LRRCC1: variants seen among roughly 807,000 people sequenced by gnomAD.
LRRCC1 encodes the protein leucine rich repeat and coiled-coil centrosomal protein 1, also known as leucine-rich repeat and coiled-coil domain-containing protein 1.
LRRCC1 carries 115 observed loss-of-function variants against 126.0 expected under a neutral mutation model. The observed-to-expected ratio is 0.91, with a 90% CI of 0.78 to 1.07. LRRCC1 has a LOEUF of 1.07. Among genes scored for constraint, LRRCC1 ranks in the 50% least tolerant of loss-of-function variants. The pLI, the probability that LRRCC1 is intolerant of heterozygous loss-of-function variation, is 0.00. For synonymous variants in LRRCC1, 400 were observed against 393.4 expected (o/e 1.02, Z -0.20); for missense variants, 1,172 against 1,175.7 (o/e 1.00, Z 0.05).
chr8:85,144,428 A>ATGTGTGTG (rs201121031), intron 18 of LRRCC1, among the ~76,000 whole-genome samples: 5 of 88,964 alleles, frequency 5.6e-5, no homozygotes, highest in Non-Finnish European at 8.8e-5. Flanking sequence ...GTGTGTGTGT[A>ATGTGTGTG]TGTGTGTGTG....
chr8:85,118,373 T>C (rs1025203117), intron 6 of LRRCC1, among the ~76,000 whole-genome samples: 1 of 152,124 alleles, frequency 6.6e-6, no homozygotes, highest in African/African-American at 2.4e-5. Context: ...CATGTATCTT[T>C]GTTTCTCTTC....
chr8:85,144,459 T>C (rs1811501799), intron 18 of LRRCC1, among the ~76,000 whole-genome samples: 1 of 48,346 alleles, frequency 2.1e-5, no homozygotes, highest in Non-Finnish European at 4.5e-5. Context: ...TATATATATA[T>C]ATATATATAT....
intron 18 of LRRCC1, among the ~76,000 whole-genome samples, chr8:85,144,461 TATATATATA>T (rs1811503651): frequency 8.9e-5 from 5 of 56,166 alleles, no homozygotes; most frequent in African/African-American, 2.1e-4. Context: ...TATATATATA[TATATATATA>T]TATATTTTTT....
chr8:85,132,409 A>G (rs1406088946), intron 12 of LRRCC1, among the ~76,000 whole-genome samples: 1 of 103,128 alleles, frequency 9.7e-6, no homozygotes, highest in Non-Finnish European at 1.8e-5. Context: ...TTTTTGTTTC[A>G]GATAGAGTCT....
At chr8:85,117,899 A>AT (rs1809243723) in intron 6 of LRRCC1, among the ~76,000 whole-genome samples, 1 of 152,086 alleles carries the variant, frequency 6.6e-6, no homozygotes, top group Non-Finnish European at 1.5e-5. Flanking sequence ...AGAGTTAAAT[A>AT]TTTTTTAGGT....
At chr8:85,117,241 T>C (rs969925634) in intron 6 of LRRCC1, among the ~76,000 whole-genome samples, 2 of 152,210 alleles carry the variant, frequency 1.3e-5, no homozygotes, top group Non-Finnish European at 1.5e-5. Flanking sequence ...ATTTGCAAGA[T>C]AGTTGAGCTC....
chr8:85,141,457 A>G lies in LRRCC1; in HGVS notation c.2916A>G (p.Gln972=), dbSNP rs2136005281. ...TTGATGCAATTGTTGAAGCTCATCA[A>G]GCTGAAATAGCACAGCTGGCCAATG... ...RQVDAIVEAH[Q]AEIAQLANEK... is the part of the protein sequence containing the mutation. Residue 972 remains glutamine, a synonymous_variant, in exon 18 of 19, where the codon CAA becomes CAG. Transcript: ENST00000360375. 1.9e-6 allele frequency: 3 copies of G among 1,613,556 alleles called. No individual in the cohort carries two copies. Among genetic ancestry groups the G allele is most frequent in the East Asian group, 2.2e-5 (1 of 44,814 alleles).
chr8:85,143,782 G>T (rs1811431159), intron 18 of LRRCC1, among the ~76,000 whole-genome samples: 1 of 152,114 alleles, frequency 6.6e-6, no homozygotes, highest in Non-Finnish European at 1.5e-5. Context: ...TAAGTTTAAG[G>T]TTTAAACACT....
chr8:85,114,172 A>G (rs1808931347), intron 4 of LRRCC1, among the ~76,000 whole-genome samples: 1 of 152,040 alleles, frequency 6.6e-6, no homozygotes, highest in Admixed American at 6.5e-5. Context: ...TCCTTGAAAG[A>G]AAACCATATT....
At chr8:85,136,427 G>A (rs371247782) in intron 14 of LRRCC1, among the ~76,000 whole-genome samples, 7 of 151,662 alleles carry the variant, frequency 4.6e-5, no homozygotes, top group South Asian at 2.1e-4. Context: ...GCCATGTGCC[G>A]CCACACCTGG....
intron 9 of LRRCC1, 83 bp downstream of exon 9, chr8:85,126,920 T>C: frequency 8.4e-7 from 1 of 1,194,922 alleles, no homozygotes; most frequent in South Asian, 1.8e-5. Flanking sequence ...AGTTTCAGTG[T>C]GGTTCAATCA....
At chr8:85,110,005 A>G (rs895631417) in intron 2 of LRRCC1, 110 bp from the exon 3 acceptor site, 1 of 626,308 alleles carries the variant, frequency 1.6e-6, no homozygotes, top group Non-Finnish European at 2.7e-6. Flanking sequence ...CGCTGTTACC[A>G]GACTGGATTT....
intron 3 of LRRCC1, among the ~76,000 whole-genome samples, chr8:85,110,691 T>C (rs1309082729): frequency 6.6e-6 from 1 of 152,264 alleles, no homozygotes; most frequent in Admixed American, 6.5e-5. Flanking sequence ...AGTGACAATA[T>C]GCTGCATTCC....
intron 18 of LRRCC1, among the ~76,000 whole-genome samples, chr8:85,144,132 A>C (rs2136013884): frequency 6.6e-6 from 1 of 152,298 alleles, no homozygotes; most frequent in East Asian, 1.9e-4. Flanking sequence ...ATGATCTCTC[A>C]AAAAGATGGT....
In LRRCC1 at chr8:85,135,867, A is replaced by G; in HGVS notation, c.2233A>G (p.Lys745Glu). ...TCAAATAGAACTTCTCAAGCACGAA[A>G]AAGTCCAGCTTATTTCTGAGCTAGC... is the stretch of plus-strand genomic sequence containing the variant. ...SIQIELLKHE[K>E]VQLISELAAK... is the part of the protein sequence containing the mutation. The change falls in exon 14 of 19, where the codon AAA becomes GAA. Residue 745 changes from lysine (K) to glutamate (E), a missense_variant. Coordinates refer to ENST00000360375, the MANE Select transcript of LRRCC1 (RefSeq NM_033402.5). 1 of 1,608,012 alleles carries G rather than the reference A, an allele frequency of 6.2e-7. No individual in the cohort carries two copies. The highest frequency in any genetic ancestry group is 1.1e-5 in the South Asian group (1 of 90,194).
chr8:85,118,865 A>AT (rs1344025699), intron 6 of LRRCC1, among the ~76,000 whole-genome samples: 1 of 152,046 alleles, frequency 6.6e-6, no homozygotes, highest in African/African-American at 2.4e-5. Flanking sequence ...TTTAATTTTG[A>AT]TAAAGTCCAA....
intron 6 of LRRCC1, among the ~76,000 whole-genome samples, chr8:85,118,516 T>C (rs1435282178): frequency 6.6e-6 from 1 of 152,132 alleles, no homozygotes; most frequent in Admixed American, 6.5e-5. Context: ...TTCCAGTTTT[T>C]CTGCCACCTC....
rs1261948372 is a variant in LRRCC1, at chr8:85,108,570, ATGAC to A, written c.105-1022_105-1019del. The stretch of plus-strand genomic sequence containing the variant: ...GAAACTGAAATGTGTCAGAAAGTAA[ATGAC>A]TGTCATTAAGAGCATGTGTTAACAG... On this transcript the variant is annotated intron_variant, in intron 1 of 18. Coordinates refer to ENST00000360375, the MANE Select transcript of LRRCC1 (RefSeq NM_033402.5). 5.9e-5 allele frequency: 9 copies of A among 152,238 alleles called. No individual in the cohort carries two copies. The South Asian group carries it at 1.0e-3, about 18-fold the overall frequency. 9.4% of individuals were successfully genotyped at this position (152,238 alleles called of 1,614,324 possible).
At chr8:85,140,268 A>G (rs1490052993) in intron 17 of LRRCC1, among the ~76,000 whole-genome samples, 1 of 152,192 alleles carries the variant, frequency 6.6e-6, no homozygotes, top group Admixed American at 6.5e-5. Flanking sequence ...ATTATAAATA[A>G]TAACAGGTTT....
Sources: allele counts gnomAD v4.1 joint callset (sites outside exome capture counted in the v4.1 genomes callset), GRCh38; gene constraint gnomAD v4.1.1; transcripts MANE v1.5; gene names NCBI Gene and HGNC (gene_info 2026-07-23, HGNC 2026-07-21).